The following MYPN variants were observed in gnomAD, a reference collection of about 807,000 sequenced individuals.
The protein encoded by MYPN is myopalladin, also known as sarcomeric protein myopalladin, 145 kDa (MYOP).
MYPN carries 63 observed loss-of-function variants against 129.4 expected under a neutral mutation model. The ratio of observed to expected loss-of-function variants is 0.49; its 90% CI spans 0.40 to 0.60. The LOEUF (loss-of-function observed/expected upper bound fraction) is 0.60. Ranked by LOEUF, MYPN falls within the 20% of genes least tolerant of loss-of-function variation. The pLI, the probability that MYPN is intolerant of heterozygous loss-of-function variation, is 0.00. For synonymous variants in MYPN, 629 were observed against 600.9 expected (o/e 1.05, Z -0.68); for missense variants, 1,596 against 1,635.4 (o/e 0.98, Z 0.42).
chr10:68,095,283 G>A (rs572347327), intron 1 of MYPN, among the ~76,000 whole-genome samples: 4 of 151,280 alleles, frequency 2.6e-5, no homozygotes, highest in African/African-American at 9.7e-5. Flanking sequence ...CTGGGAGGTC[G>A]AGGCTGTAGT....
chr10:68,129,812 G>A (rs2042382150), intron 2 of MYPN, among the ~76,000 whole-genome samples: 1 of 152,130 alleles, frequency 6.6e-6, no homozygotes, highest in Non-Finnish European at 1.5e-5. Flanking sequence ...TACTGGTTGA[G>A]CATCCCAAAT....
At chr10:68,177,516 T>A (rs915909770) in intron 12 of MYPN, among the ~76,000 whole-genome samples, 1 of 152,162 alleles carries the variant, frequency 6.6e-6, no homozygotes, top group Non-Finnish European at 1.5e-5. Flanking sequence ...TGAGGAAGTT[T>A]TGGGAAATAA....
chr10:68,210,479 A>C lies in MYPN; in HGVS notation c.*24A>C. 1.2e-6 allele frequency: 2 copies of C among 1,613,348 alleles called. No individual in the cohort carries two copies. Among genetic ancestry groups the C allele is most frequent in the Non-Finnish European group, 1.7e-6 (2 of 1,179,808 alleles). On this transcript the variant is annotated 3_prime_UTR_variant, in exon 20 of 20. Transcript: ENST00000358913. Reference sequence around the variant, plus strand: ...AAGAATGTCTAGGTACCTGCTGTGTAAGAGAGCGGACTGTGGAGGGGGAAT... The same window carrying C: ...AAGAATGTCTAGGTACCTGCTGTGTCAGAGAGCGGACTGTGGAGGGGGAAT...
chr10:68,126,055 A>T (rs2042321657), intron 2 of MYPN, among the ~76,000 whole-genome samples: 4 of 152,212 alleles, frequency 2.6e-5, no homozygotes, highest in Admixed American at 2.6e-4. Context: ...GGAAGTGTTA[A>T]CACAGGAGGT....
intron 2 of MYPN, among the ~76,000 whole-genome samples, chr10:68,129,037 A>G (rs1031000843): frequency 6.6e-6 from 1 of 151,742 alleles, no homozygotes; most frequent in Admixed American, 6.6e-5. Context: ...ACTAGTTCCA[A>G]GAGGTCAGAT....
chr10:68,200,115 G>C (rs748850038), intron 17 of MYPN, among the ~76,000 whole-genome samples: 1 of 152,164 alleles, frequency 6.6e-6, no homozygotes, highest in Non-Finnish European at 1.5e-5. Context: ...GAAAAGGAGA[G>C]ATTCATAGAG....
chr10:68,098,883 A>G (rs2041969579), intron 1 of MYPN, among the ~76,000 whole-genome samples: 1 of 152,152 alleles, frequency 6.6e-6, no homozygotes, highest in South Asian at 2.1e-4. Flanking sequence ...TCTTTATTTT[A>G]TGAGATTTCC....
Position 68,109,591 on chromosome 10 carries a change from T to G in MYPN, c.-134T>G, listed in dbSNP as rs2042053558. 2.2e-6 allele frequency: 1 copy of G among 454,090 alleles called. No individual in the cohort carries two copies. The highest frequency in any genetic ancestry group is 4.4e-6 in the Non-Finnish European group (1 of 226,772). 28.1% of individuals were successfully genotyped at this position (454,090 alleles called of 1,614,324 possible). On this transcript the variant is annotated 5_prime_UTR_variant, in exon 1 of 20. Transcript: ENST00000358913. ...CTCCTCACTCTCTATGGACGGCTAC[T>G]CTCTATTTCCAAGGGCGTGAAGAAT... is the stretch of plus-strand genomic sequence containing the variant.
intron 1 of MYPN, among the ~76,000 whole-genome samples, chr10:68,115,258 C>CAAAAAAAA (rs58484168): frequency 1.9e-5 from 1 of 53,642 alleles, no homozygotes; most frequent in African/African-American, 6.1e-5. Context: ...AACTCCATCT[C>CAAAAAAAA]AAAAAAAAAA....
upstream of MYPN, among the ~76,000 whole-genome samples, chr10:68,103,750 A>G (rs181338675): frequency 2.0e-4 from 30 of 152,240 alleles, no homozygotes; most frequent in African/African-American, 7.0e-4. Context: ...AGGAGTTCAA[A>G]ACCAGCCTGA....
intron 14 of MYPN, among the ~76,000 whole-genome samples, chr10:68,195,202 C>A (rs545853671): frequency 1.3e-5 from 2 of 152,136 alleles, no homozygotes; most frequent in South Asian, 2.1e-4. Context: ...ATTCAAATTT[C>A]TTTTTACCTT....
chr10:68,167,224 C>A (rs2043069055), intron 10 of MYPN, among the ~76,000 whole-genome samples: 1 of 152,224 alleles, frequency 6.6e-6, no homozygotes, highest in Non-Finnish European at 1.5e-5. Context: ...ATTCTGACAT[C>A]AGAGTCCCCA....
intron 2 of MYPN, among the ~76,000 whole-genome samples, chr10:68,139,364 T>C (rs1361395176): frequency 6.6e-6 from 1 of 152,208 alleles, no homozygotes; most frequent in East Asian, 1.9e-4. Flanking sequence ...TCCACATTTC[T>C]CAAATCTCCT....
chr10:68,167,021 A>C (rs1299089083), intron 10 of MYPN, among the ~76,000 whole-genome samples: 1 of 152,202 alleles, frequency 6.6e-6, no homozygotes, highest in African/African-American at 2.4e-5. Flanking sequence ...CCTGGGTGAC[A>C]GAGCAAGACT....
chr10:68,151,796 A>G (rs990838163), intron 6 of MYPN, among the ~76,000 whole-genome samples: 6 of 152,192 alleles, frequency 3.9e-5, no homozygotes, highest in African/African-American at 1.2e-4. Context: ...TCTCCACTCA[A>G]TTTGAAATCT....
chr10:68,114,356 T>TC (rs2042124253), intron 1 of MYPN: 1 of 151,438 alleles, frequency 6.6e-6, no homozygotes, highest in Non-Finnish European at 1.5e-5. Flanking sequence ...TCTTTTTTTT[T>TC]TTTTTGACGG....
chr10:68,162,653 A>C (rs1347867486), intron 8 of MYPN, among the ~76,000 whole-genome samples: 1 of 152,204 alleles, frequency 6.6e-6, no homozygotes, highest in Non-Finnish European at 1.5e-5. Flanking sequence ...TTGTGATCTC[A>C]TTATTATAAT....
At chr10:68,143,215 A>C (rs988751877) in intron 3 of MYPN, 100 bp downstream of exon 3, 2 of 1,155,534 alleles carry the variant, frequency 1.7e-6, no homozygotes, top group Admixed American at 3.8e-5. Context: ...GCGCTCTTCT[A>C]GGCAATGAGG....
intron 7 of MYPN, among the ~76,000 whole-genome samples, chr10:68,159,930 G>A (rs1564670618): frequency 6.6e-6 from 1 of 152,070 alleles, no homozygotes; most frequent in Admixed American, 6.6e-5. Context: ...TGGCTAAATT[G>A]AGCTAATGAA....
Sources: allele counts gnomAD v4.1 joint callset (sites outside exome capture counted in the v4.1 genomes callset), GRCh38; gene constraint gnomAD v4.1.1; transcripts MANE v1.5; gene names NCBI Gene and HGNC (gene_info 2026-07-23, HGNC 2026-07-21).